The following RPS6KA2 variants were observed in gnomAD, a reference collection of about 807,000 sequenced individuals.
RPS6KA2 encodes ribosomal protein S6 kinase alpha-2.
Under a neutral mutation model 91.8 loss-of-function variants are expected in RPS6KA2, and 42 were observed. That is an observed-to-expected ratio of 0.46 (90% CI 0.36 to 0.59). The LOEUF is 0.59. RPS6KA2 is among the 20% of genes least tolerant of loss of function. RPS6KA2 has a pLI of 0.00. For missense variants in RPS6KA2, 798 were observed against 978.5 expected (o/e 0.82, Z 2.46); for synonymous variants, 414 against 393.6 (o/e 1.05, Z -0.61).
chr6:166,739,261 G>A (rs11964755), intron 2 of RPS6KA2, among the ~76,000 whole-genome samples: 17,891 of 152,212 alleles, frequency 0.12, 1,322 homozygotes, highest in Admixed American at 0.17. Flanking sequence ...TATTCCATAT[G>A]TAAATAGTTT....
At chr6:166,498,135 C>A (rs77799221) in intron 8 of RPS6KA2, among the ~76,000 whole-genome samples, 1 of 152,236 alleles carries the variant, frequency 6.6e-6, no homozygotes, top group Non-Finnish European at 1.5e-5. Context: ...TGCCTAACTC[C>A]GTGTACATCT....
intron 6 of RPS6KA2, among the ~76,000 whole-genome samples, chr6:166,503,851 C>T (rs756370042): frequency 2.6e-5 from 4 of 152,176 alleles, no homozygotes; most frequent in Non-Finnish European, 4.4e-5. Context: ...AGCAAAATAT[C>T]GTAGAAATAA....
rs1779744346 is a variant in RPS6KA2 at position 166,448,317 on chromosome 6, C to T, written c.1332+407G>A. Among the ~76,000 whole-genome samples, 1 of 152,156 alleles carries T rather than the reference C, an allele frequency of 6.6e-6. No homozygotes were observed. Among genetic ancestry groups the T allele is most frequent in the Admixed American group, 6.5e-5 (1 of 15,270 alleles). On this transcript the variant is annotated intron_variant, in intron 14 of 20. Transcript: ENST00000265678. The surrounding 1 kb of genome is among the most constrained non-coding windows in gnomAD (Gnocchi z 4.7). ...TCTGTTTTCTCAAAATACTGGGGGC[C>T]CAAAACTTTTGCTCTTGGTGTATGT...
chr6:166,479,986 C>T (rs745334885), intron 10 of RPS6KA2, among the ~76,000 whole-genome samples: 11 of 152,256 alleles, frequency 7.2e-5, no homozygotes, highest in Admixed American at 5.2e-4. Context: ...GTGTAGACGA[C>T]GGTAATTCAG....
At chr6:166,800,886 T>C (rs889704643) in intron 2 of RPS6KA2, among the ~76,000 whole-genome samples, 2 of 152,208 alleles carry the variant, frequency 1.3e-5, no homozygotes, top group African/African-American at 4.8e-5. Context: ...AAAATTTATA[T>C]GTAAAATAAC....
chr6:166,741,923 T>C (rs9459733), intron 2 of RPS6KA2, among the ~76,000 whole-genome samples: 9,287 of 152,166 alleles, frequency 0.061, 323 homozygotes, highest in Middle Eastern at 0.12. Context: ...GGTCGGGAGT[T>C]CAAGACCACC....
At chr6:166,621,686 G>A (rs1178744597) in intron 1 of RPS6KA2, among the ~76,000 whole-genome samples, 1 of 152,182 alleles carries the variant, frequency 6.6e-6, no homozygotes, top group Non-Finnish European at 1.5e-5. Flanking sequence ...AGCAAAAAAG[G>A]TAGAGTATTT....
intron 1 of RPS6KA2, chr6:166,586,310 A>G (rs1785172558): frequency 6.3e-7 from 1 of 1,598,926 alleles, no homozygotes; most frequent in Non-Finnish European, 8.5e-7. Context: ...CTTGCAACCG[A>G]TTGCCTCTGT....
intron 5 of RPS6KA2, among the ~76,000 whole-genome samples, chr6:166,505,929 A>G (rs1479915641): frequency 6.6e-6 from 1 of 152,194 alleles, no homozygotes; most frequent in African/African-American, 2.4e-5. Context: ...TTTGTGTACA[A>G]TTTAGGGCTC....
At chr6:166,475,868 C>T (rs545710998) in intron 10 of RPS6KA2, 113 of 523,666 alleles carry the variant, frequency 2.2e-4, no homozygotes, top group Admixed American at 8.8e-4. Context: ...GAATGAGATG[C>T]GTCTGTATTT....
intron 2 of RPS6KA2, among the ~76,000 whole-genome samples, chr6:166,848,336 TG>T (rs1780657300): frequency 6.6e-6 from 1 of 152,216 alleles, no homozygotes; most frequent in African/African-American, 2.4e-5. Context: ...ACAACCACTA[TG>T]GAAAACAGTG....
In RPS6KA2 at chr6:166,423,347, C is replaced by T. The variant is rs776642914; in HGVS notation, c.1652G>A (p.Arg551Gln). 9 of 1,614,160 alleles carry T rather than the reference C, an allele frequency of 5.6e-6. No individual in the cohort carries two copies. The highest frequency in any genetic ancestry group is 6.8e-6 in the Non-Finnish European group (8 of 1,180,016). The change falls in exon 17 of 21, where the codon CGA (arginine) becomes CAA (glutamine). Residue 551 changes from arginine to glutamine, a missense_variant. By Grantham distance (43) the Arg-to-Gln change is conservative. Coordinates refer to ENST00000265678, the MANE Select transcript of RPS6KA2 (RefSeq NM_021135.6). The surrounding 1 kb of genome is among the most constrained non-coding windows in gnomAD (Gnocchi z 4.8). ...CTTGGCAAAGCCGAAGTCGCAGACT[C>T]GGATGGATTCTGGGCTCCCCGACTC... Reference protein sequence around the residue: ...RDESGSPESIRVCDFGFAKQL... With the variant: ...RDESGSPESIQVCDFGFAKQL...
At chr6:166,742,297 AG>A (rs1242098209) in intron 2 of RPS6KA2, among the ~76,000 whole-genome samples, 5 of 152,232 alleles carry the variant, frequency 3.3e-5, no homozygotes, top group African/African-American at 1.2e-4. Flanking sequence ...CAGCTCAAGA[AG>A]AAATCTCTTC....
At chr6:166,420,083 C>T (rs190263796) in intron 17 of RPS6KA2, 125 bp from the exon 18 acceptor site, 38 of 821,590 alleles carry the variant, frequency 4.6e-5, no homozygotes, top group South Asian at 3.2e-4. Flanking sequence ...GCCATGTCTT[C>T]GGTGTGACCA....
At position 166,495,040 on chromosome 6, in the gene RPS6KA2, C is replaced by T. The variant is rs1215683393; in HGVS notation, c.747+3468G>A. Among the ~76,000 whole-genome samples the T allele has an allele frequency of 6.6e-6, 1 of 152,236 alleles. No individual in the cohort carries two copies. The highest frequency in any genetic ancestry group is 6.5e-5 in the Admixed American group (1 of 15,284). Reference sequence around the variant, plus strand: ...ACGTGTGGGAAGCGTGGGGCCTCCACAGTCAAGACCTTTGCCTGTGTGCAG... The same window carrying T: ...ACGTGTGGGAAGCGTGGGGCCTCCATAGTCAAGACCTTTGCCTGTGTGCAG... On this transcript the variant is annotated intron_variant, in intron 8 of 20. Coordinates refer to ENST00000265678, the MANE Select transcript of RPS6KA2 (RefSeq NM_021135.6). The surrounding 1 kb of genome is among the most constrained non-coding windows in gnomAD (Gnocchi z 4.4).
intron 2 of RPS6KA2, among the ~76,000 whole-genome samples, chr6:166,730,405 T>G (rs1054308444): frequency 6.6e-6 from 1 of 152,240 alleles, no homozygotes; most frequent in East Asian, 1.9e-4. Flanking sequence ...AATTTTGATG[T>G]TGTTAAATGT....
intron 1 of RPS6KA2, among the ~76,000 whole-genome samples, chr6:166,565,553 A>C (rs1784474397): frequency 6.6e-6 from 1 of 152,126 alleles, no homozygotes; most frequent in Admixed American, 6.5e-5. Context: ...CATGTGGTCC[A>C]TGTCTGGGCA....
At chr6:166,526,787 G>C (rs1025089946) in intron 3 of RPS6KA2, among the ~76,000 whole-genome samples, 2 of 152,220 alleles carry the variant, frequency 1.3e-5, no homozygotes, top group Non-Finnish European at 2.9e-5. Context: ...ACAGAGTATA[G>C]GGAAGAAGAC....
At chr6:166,561,559 G>T (rs2128505738) in intron 1 of RPS6KA2, among the ~76,000 whole-genome samples, 1 of 151,986 alleles carries the variant, frequency 6.6e-6, no homozygotes, top group Middle Eastern at 3.4e-3. Flanking sequence ...GCTTGACTCT[G>T]TGGGGGGAGT....
Sources: allele counts gnomAD v4.1 joint callset (sites outside exome capture counted in the v4.1 genomes callset), GRCh38; gene constraint gnomAD v4.1.1; non-coding constraint Gnocchi (gnomAD v3.1); transcripts MANE v1.5; gene names NCBI Gene and HGNC (gene_info 2026-07-23, HGNC 2026-07-21).